The following AMN1 variants were observed in gnomAD, a reference collection of about 807,000 sequenced individuals.
AMN1 encodes protein AMN1 homolog.
Under a neutral mutation model 33.0 loss-of-function variants are expected in AMN1, and 20 were observed. That is an observed-to-expected ratio of 0.61 (90% CI 0.43 to 0.88). AMN1 has a LOEUF of 0.88. Ranked by LOEUF, AMN1 falls within the 40% of genes least tolerant of loss-of-function variation. AMN1 has a pLI of 0.00. For missense variants in AMN1, 246 were observed against 307.4 expected (o/e 0.80, Z 1.49); for synonymous variants, 114 against 111.9 (o/e 1.02, Z -0.12).
intron 1 of AMN1, among the ~76,000 whole-genome samples, chr12:31,719,062 G>C (rs1260784298): frequency 5.9e-5 from 9 of 152,344 alleles, no homozygotes; most frequent in Admixed American, 5.9e-4. Context: ...CAGTATTTGG[G>C]CAGGAGTGTA....
intron 1 of AMN1, among the ~76,000 whole-genome samples, chr12:31,710,885 A>C (rs1483137924): frequency 6.6e-6 from 1 of 152,166 alleles, no homozygotes; most frequent in Admixed American, 6.6e-5. Flanking sequence ...TTCCCTCTAC[A>C]TCCTTCCAGC....
chr12:31,697,708 G>C (rs770531585), intron 4 of AMN1, 32 bp downstream of exon 4: 16 of 1,579,192 alleles, frequency 1.0e-5, no homozygotes, highest in Non-Finnish European at 1.3e-5. Flanking sequence ...TAAACACATA[G>C]TCTATATGTT....
intron 6 of AMN1, 116 bp from the exon 7 acceptor site, chr12:31,672,493 G>T: frequency 1.3e-6 from 1 of 753,198 alleles, no homozygotes. Flanking sequence ...GATTAAAGGA[G>T]GTGATCTATA....
At chr12:31,709,205 C>T in intron 2 of AMN1, 88 bp downstream of exon 2, 3 of 1,443,140 alleles carry the variant, frequency 2.1e-6, no homozygotes, top group Non-Finnish European at 2.9e-6. Flanking sequence ...GATTACCAGT[C>T]TTACCATATA....
chr12:31,709,195 G>T, intron 2 of AMN1, 98 bp downstream of exon 2: 9 of 1,322,060 alleles, frequency 6.8e-6, no homozygotes, highest in Non-Finnish European at 8.5e-6. Context: ...AATTAAAAAT[G>T]ATTACCAGTC....
At chr12:31,686,036 T>G (rs1320584837) in intron 6 of AMN1, among the ~76,000 whole-genome samples, 1 of 152,162 alleles carries the variant, frequency 6.6e-6, no homozygotes, top group Non-Finnish European at 1.5e-5. Context: ...CTTAAATCCA[T>G]GATCTGTTAA....
chr12:31,696,089 T>A (rs1165051032), intron 5 of AMN1, among the ~76,000 whole-genome samples: 1 of 151,476 alleles, frequency 6.6e-6, no homozygotes, highest in Non-Finnish European at 1.5e-5. Context: ...ATATAAAAAT[T>A]AGCTGGATGT....
intron 2 of AMN1, 120 bp from the exon 3 acceptor site, chr12:31,702,127 A>C: frequency 1.2e-6 from 1 of 848,770 alleles, no homozygotes; most frequent in East Asian, 2.9e-5. Context: ...ACAGCAAAGA[A>C]TACAGAAGCA....
At chr12:31,699,514 C>T (rs963707650) in intron 3 of AMN1, among the ~76,000 whole-genome samples, 7 of 151,854 alleles carry the variant, frequency 4.6e-5, no homozygotes, top group Admixed American at 2.6e-4. Context: ...GTGAATGCAT[C>T]CACATGCTGG....
chr12:31,692,340 C>T lies in AMN1; in HGVS notation c.592-3222G>A, dbSNP rs376402003. On this transcript the variant is annotated intron_variant, in intron 5 of 6. Transcript: ENST00000281471. The stretch of plus-strand genomic sequence containing the variant: ...GGCGTGGTGGTGTGCACCTGTAGTC[C>T]CAGCTACTTGGGAAGCTGAGGCAGA... Among the ~76,000 whole-genome samples, 32 of 151,352 alleles carry T rather than the reference C, an allele frequency of 2.1e-4. No homozygotes were observed. The East Asian group carries it at 5.9e-3, about 28-fold the overall frequency.
intron 1 of AMN1, chr12:31,714,852 T>C: frequency 1.1e-6 from 1 of 926,508 alleles, no homozygotes; most frequent in Non-Finnish European, 1.3e-6. Flanking sequence ...GAAACAAATA[T>C]AAACTAGGAG....
In AMN1 at chr12:31,672,280, GCATTGAT is replaced by G; in HGVS notation, c.*17_*23del. ...AAAGTAGTTTTGATAAGCTTTCCTA[GCATTGAT>G]CATCTTCAAAAAAGCATCAATAAAC... On this transcript the variant is annotated 3_prime_UTR_variant, in exon 7 of 7. Coordinates refer to ENST00000281471, the MANE Select transcript of AMN1 (RefSeq NM_001113402.2). The G allele has an allele frequency of 6.5e-7, 1 of 1,530,208 alleles. No individual in the cohort carries two copies. The highest frequency in any genetic ancestry group is 8.9e-7 in the Non-Finnish European group (1 of 1,123,668). 94.8% of individuals were successfully genotyped at this position (1,530,208 alleles called of 1,614,324 possible). A position where few individuals can be genotyped will look rare whatever the true frequency, so the allele number is the denominator to read the frequency against.
intron 2 of AMN1, among the ~76,000 whole-genome samples, chr12:31,705,657 G>A (rs1315222325): frequency 1.3e-5 from 2 of 152,122 alleles, no homozygotes; most frequent in Non-Finnish European, 2.9e-5. Context: ...GCAGGACAAG[G>A]GGAAAGCAAA....
Position 31,671,683 on chromosome 12 carries a change from C to T in AMN1, c.*621G>A, listed in dbSNP as rs1951274868. 6.6e-6 allele frequency: 1 copy of T among 152,048 alleles called. No individual in the cohort carries two copies. Among genetic ancestry groups the T allele is most frequent in the Non-Finnish European group, 1.5e-5 (1 of 68,006 alleles). The allele number at this position is 152,048 out of a possible 1,614,324, so 9.4% of individuals were successfully genotyped here. A position where few individuals can be genotyped will look rare whatever the true frequency, so the allele number is the denominator to read the frequency against. ...CATAAAATGTAACTGGGAAGAGTAG[C>T]CATAAAAATCAATGAATGGATGTGG... On this transcript the variant is annotated 3_prime_UTR_variant, in exon 7 of 7. Coordinates refer to ENST00000281471, the MANE Select transcript of AMN1 (RefSeq NM_001113402.2).
chr12:31,718,937 C>A (rs7135242), intron 1 of AMN1, among the ~76,000 whole-genome samples: 1 of 152,374 alleles, frequency 6.6e-6, no homozygotes, highest in Non-Finnish European at 1.5e-5. Context: ...CATCCCAGGT[C>A]GATCTCAGAC....
intron 1 of AMN1, among the ~76,000 whole-genome samples, chr12:31,726,575 A>C (rs889215239): frequency 1.3e-5 from 2 of 152,238 alleles, no homozygotes; most frequent in African/African-American, 4.8e-5. Context: ...GTGAGGAGAT[A>C]AGGAGTTTAT....
intron 1 of AMN1, among the ~76,000 whole-genome samples, chr12:31,727,814 CCTCTGCCTCCTGGGTTGAGGCGATT>C (rs1940139005): frequency 6.6e-6 from 1 of 152,306 alleles, no homozygotes; most frequent in Middle Eastern, 3.4e-3. Context: ...CTCACTGCAA[CCTCTGCCTCCTGGGTTGAGGCGATT>C]CTCCTGCCTC....
chr12:31,694,077 T>A (rs1938614830), intron 5 of AMN1, among the ~76,000 whole-genome samples: 1 of 151,198 alleles, frequency 6.6e-6, no homozygotes, highest in African/African-American at 2.4e-5. Context: ...TGGAACAAAT[T>A]AAAAGCAACA....
intron 2 of AMN1, among the ~76,000 whole-genome samples, chr12:31,702,837 A>G (rs979637668): frequency 1.6e-4 from 25 of 152,206 alleles, no homozygotes; most frequent in African/African-American, 6.0e-4. Context: ...TCCCGGGTTC[A>G]AGCGATTCTC....
Sources: gnomAD v4.1 joint callset for allele counts (sites outside exome capture counted in the v4.1 genomes callset) on GRCh38, gnomAD v4.1.1 for gene constraint, MANE v1.5 for transcripts, NCBI Gene and HGNC (gene_info 2026-07-23, HGNC 2026-07-21) for gene names.